The following NTM variants were observed in gnomAD, a reference collection of about 807,000 sequenced individuals.
NTM encodes neurotrimin, also known as IgLON family member 2.
A neutral mutation model predicts 42.1 loss-of-function variants in NTM; 13 were observed. The observed-to-expected ratio is 0.31, with a 90% CI of 0.20 to 0.49. The LOEUF (loss-of-function observed/expected upper bound fraction) is 0.49, where lower values mean the gene tolerates loss of function less well. NTM is among the 20% of genes least tolerant of loss of function. The probability of loss-of-function intolerance (pLI) is 0.99; values close to 1 mark genes in which losing one functional copy is unlikely to be tolerated. For synonymous variants in NTM, 187 were observed against 179.2 expected, an observed-to-expected ratio of 1.04 and a Z score of -0.35; for missense variants, 373 against 452.8, an observed-to-expected ratio of 0.82 and a Z score of 1.60.
At chr11:132,238,738 C>T (rs2089600658) in intron 4 of NTM, among the ~76,000 whole-genome samples, 1 of 152,106 alleles carries the variant, frequency 6.6e-6, no homozygotes, top group African/African-American at 2.4e-5. Flanking sequence ...ATAAAGCCTC[C>T]CTTGTCACTT....
At chr11:132,312,407 A>C (rs1037620120) in intron 6 of NTM, 2 of 152,270 alleles carry the variant, frequency 1.3e-5, no homozygotes, top group Non-Finnish European at 2.9e-5. Context: ...GAGGAATGGA[A>C]TGCTATACCT....
At chr11:131,942,502 C>T (rs1027182886) in intron 2 of NTM, among the ~76,000 whole-genome samples, 3 of 152,106 alleles carry the variant, frequency 2.0e-5, no homozygotes, top group Non-Finnish European at 4.4e-5. Flanking sequence ...GGAAAGGCAC[C>T]CTTTCTCTGG....
chr11:131,506,286 G>A (rs1327489191), intron 1 of NTM, among the ~76,000 whole-genome samples: 2 of 152,168 alleles, frequency 1.3e-5, no homozygotes, highest in African/African-American at 4.8e-5. Context: ...TCTGGTGCCT[G>A]AGGCTTTATG....
chr11:131,852,913 TCCATCCACCCAC>T (rs1370539765), intron 1 of NTM, among the ~76,000 whole-genome samples: 2 of 146,516 alleles, frequency 1.4e-5, no homozygotes, highest in African/African-American at 5.1e-5. Context: ...CATCCATCCA[TCCATCCACCCAC>T]CCATCCATCC....
intron 2 of NTM, among the ~76,000 whole-genome samples, chr11:132,075,511 T>G (rs940319187): frequency 6.6e-6 from 1 of 152,186 alleles, no homozygotes; most frequent in Non-Finnish European, 1.5e-5. Context: ...ACATTTTGTC[T>G]TTTATTGGTT....
chr11:131,785,004 T>C (rs1407480344), intron 1 of NTM, among the ~76,000 whole-genome samples: 1 of 152,138 alleles, frequency 6.6e-6, no homozygotes, highest in Non-Finnish European at 1.5e-5. Context: ...AAAACTACAG[T>C]CTTTAAAATC....
chr11:132,005,132 GC>G (rs1441713989), intron 2 of NTM, among the ~76,000 whole-genome samples: 1 of 152,096 alleles, frequency 6.6e-6, no homozygotes, highest in African/African-American at 2.4e-5. Flanking sequence ...ATTAGATTAA[GC>G]CTAGTAAGGG....
At chr11:131,641,840 C>T (rs934717288) in intron 1 of NTM, among the ~76,000 whole-genome samples, 2 of 151,418 alleles carry the variant, frequency 1.3e-5, no homozygotes, top group African/African-American at 4.9e-5. Context: ...GATTCTCCTG[C>T]TTCAGCCTCC....
chr11:131,822,454 T>TA (rs1266837882), intron 1 of NTM, among the ~76,000 whole-genome samples: 1 of 152,146 alleles, frequency 6.6e-6, no homozygotes, highest in Non-Finnish European at 1.5e-5. Context: ...ATGGTTTTTT[T>TA]AAAAAAACAA....
rs761631367 is a variant in NTM, at chr11:132,244,538, T to C, written c.526+32391T>C. 4.6e-5 allele frequency among the ~76,000 whole-genome samples: 7 copies of C among 152,220 alleles called. 1 individual carries two copies. The highest frequency in any genetic ancestry group is 8.8e-5 in the Non-Finnish European group (6 of 68,032). Reference sequence around the variant, plus strand: ...TTCAGTACCCCACTTTAAGAACTACTGTACACTAACTTACACTTTATCTCT... The same window carrying C: ...TTCAGTACCCCACTTTAAGAACTACCGTACACTAACTTACACTTTATCTCT... On this transcript the variant is annotated intron_variant, in intron 4 of 8. Coordinates refer to ENST00000683400, the MANE Select transcript of NTM (RefSeq NM_001352005.2).
intron 1 of NTM, among the ~76,000 whole-genome samples, chr11:131,790,115 G>A (rs1465543596): frequency 6.6e-6 from 1 of 151,990 alleles, no homozygotes. Context: ...AAAAGGATAA[G>A]AAGATGGCAA....
chr11:131,870,682 C>T (rs969084426), intron 1 of NTM, among the ~76,000 whole-genome samples: 2 of 152,140 alleles, frequency 1.3e-5, no homozygotes, highest in African/African-American at 2.4e-5. Flanking sequence ...AAGACAACAA[C>T]TTGCAAAATT....
chr11:131,648,475 AGT>A (rs1458313977), intron 1 of NTM, among the ~76,000 whole-genome samples: 1 of 152,192 alleles, frequency 6.6e-6, no homozygotes, highest in Non-Finnish European at 1.5e-5. Flanking sequence ...ATAGTGTATA[AGT>A]GTTCCATTTT....
chr11:132,164,868 A>T (rs2075013034), intron 3 of NTM, among the ~76,000 whole-genome samples: 1 of 152,168 alleles, frequency 6.6e-6, no homozygotes, highest in African/African-American at 2.4e-5. Context: ...TCCAACAAAG[A>T]TGCCATGGAG....
At chr11:132,174,408 AAAAATCGT>A (rs1018674604) in intron 3 of NTM, among the ~76,000 whole-genome samples, 1 of 152,352 alleles carries the variant, frequency 6.6e-6, no homozygotes, top group East Asian at 1.9e-4. Context: ...TAGGCTCTAA[AAAAATCGT>A]AAATGTATCA....
chr11:132,146,685 C>A lies in NTM; in HGVS notation c.400+171C>A. On this transcript the variant is annotated intron_variant, in intron 3 of 8. Coordinates refer to ENST00000683400, the MANE Select transcript of NTM (RefSeq NM_001352005.2). This position sits in a 1 kb window ranked among gnomAD's most constrained non-coding sequence, Gnocchi z 4.5. ...GCAGTTAGAAGCTAAATTTTCCAGT[C>A]ATTTTCATTGAGTGGAACTAGGAAT... 1 of 583,290 alleles carries A rather than the reference C, an allele frequency of 1.7e-6. No homozygotes were observed. Among genetic ancestry groups the A allele is most frequent in the Non-Finnish European group, 2.9e-6 (1 of 347,406 alleles). 36.1% of individuals were successfully genotyped at this position (583,290 alleles called of 1,614,324 possible). A position where few individuals can be genotyped will look rare whatever the true frequency, so the allele number is the denominator to read the frequency against.
At chr11:131,826,748 C>T (rs966529284) in intron 1 of NTM, among the ~76,000 whole-genome samples, 32 of 152,012 alleles carry the variant, frequency 2.1e-4, no homozygotes, top group African/African-American at 7.5e-4. Context: ...TCAAAAGTCC[C>T]TTTCAGGAGG....
At chr11:132,296,584 G>T (rs2094619004) in intron 4 of NTM, among the ~76,000 whole-genome samples, 2 of 152,192 alleles carry the variant, frequency 1.3e-5, no homozygotes, top group Admixed American at 1.3e-4. Context: ...GTTCCTAAGA[G>T]ACGTCGCCAT....
At chr11:131,814,612 G>T (rs1251773282) in intron 1 of NTM, among the ~76,000 whole-genome samples, 1 of 145,640 alleles carries the variant, frequency 6.9e-6, no homozygotes, top group Non-Finnish European at 1.5e-5. Flanking sequence ...AATCTTGTCC[G>T]TTGGTAATCA....
Sources: allele counts gnomAD v4.1 joint callset (sites outside exome capture counted in the v4.1 genomes callset), GRCh38; gene constraint gnomAD v4.1.1; non-coding constraint Gnocchi (gnomAD v3.1); transcripts MANE v1.5; gene names NCBI Gene and HGNC (gene_info 2026-07-23, HGNC 2026-07-21).